The following OXTR variants were observed in gnomAD, a reference collection of about 807,000 sequenced individuals.
OXTR encodes the protein oxytocin receptor.
A neutral mutation model predicts 23.9 loss-of-function variants in OXTR; 19 were observed. The observed-to-expected ratio is 0.80, with a 90% CI of 0.56 to 1.17. The LOEUF is 1.17. Ranked by LOEUF, OXTR falls within the 50% of genes most tolerant of loss-of-function variation. The probability of loss-of-function intolerance (pLI) is 0.00; values close to 1 mark genes in which losing one functional copy is unlikely to be tolerated. For missense variants in OXTR, 500 were observed against 550.7 expected (o/e 0.91, Z 0.92); for synonymous variants, 278 against 250.5 (o/e 1.11, Z -1.04).
At chr3:8,741,677 C>T in the OXTR span, among the ~76,000 whole-genome samples, 1 of 152,136 alleles carries the variant, frequency 6.6e-6, no homozygotes, top group African/African-American at 2.4e-5. Context: ...TATTTCCCCA[C>T]CCACAGATAT....
chr3:8,745,924 C>T (rs1435452401), downstream of OXTR: 17 of 1,428,246 alleles, frequency 1.2e-5, no homozygotes, highest in South Asian at 8.5e-5. This position sits in a 1 kb window ranked among gnomAD's most constrained non-coding sequence, Gnocchi z 4.8. Context: ...GACTGGTCCC[C>T]GGGGGACTTC....
chr3:8,745,098 C>A, the OXTR span: 18 of 178,802 alleles, frequency 1.0e-4, no homozygotes, highest in East Asian at 2.6e-3. This position sits in a 1 kb window ranked among gnomAD's most constrained non-coding sequence, Gnocchi z 4.8. Flanking sequence ...GCAGATCCCT[C>A]GTGGCTTAGT....
chr3:8,762,859 T>G (rs1401004780), intron 3 of OXTR, among the ~76,000 whole-genome samples: 2 of 152,238 alleles, frequency 1.3e-5, no homozygotes, highest in Non-Finnish European at 2.9e-5. Context: ...GCCAGTTCTG[T>G]TTCAGACAGC....
chr3:8,745,644 C>A (rs72546668), downstream of OXTR: 2 of 1,614,106 alleles, frequency 1.2e-6, no homozygotes, highest in Non-Finnish European at 1.7e-6. The surrounding 1 kb of genome is among the most constrained non-coding windows in gnomAD (Gnocchi z 4.8). Flanking sequence ...CTGTTGTCCA[C>A]GCTGCTGGGC....
rs376518439 is a variant in OXTR at position 8,756,622 on chromosome 3, A to G, written c.923-3398T>C. Among the ~76,000 whole-genome samples, 23 of 152,194 alleles carry G rather than the reference A, an allele frequency of 1.5e-4. 1 individual carries two copies. The East Asian group carries it at 4.1e-3, about 27-fold the overall frequency. ...TGACAGTAAGCAGTGCCCATTCCCC[A>G]TTTTTGACGCTGTGGATGCTGTGGT... On this transcript the variant is annotated intron_variant, in intron 3 of 3. Coordinates refer to ENST00000316793, the MANE Select transcript of OXTR (RefSeq NM_000916.4).
rs1300575783 is a variant in OXTR, at chr3:8,750,837, G to T, written c.*2140C>A. The T allele has an allele frequency of 6.6e-6, 1 of 152,180 alleles. No homozygotes were observed. The highest frequency in any genetic ancestry group is 1.5e-5 in the Non-Finnish European group (1 of 68,040). 9.4% of individuals were successfully genotyped at this position (152,180 alleles called of 1,614,324 possible). A position where few individuals can be genotyped will look rare whatever the true frequency, so the allele number is the denominator to read the frequency against. On this transcript the variant is annotated 3_prime_UTR_variant, in exon 4 of 4. Transcript: ENST00000316793. ...TGGCTATTACAAATAATGTTGCTAT[G>T]AACATTGGTGTACAAGTTTTTGTGT...
chr3:8,760,671 G>A (rs1047021227), intron 3 of OXTR, among the ~76,000 whole-genome samples: 1 of 152,250 alleles, frequency 6.6e-6, no homozygotes, highest in East Asian at 1.9e-4. Context: ...ATCCCCTGGA[G>A]TTGTGCCACA....
In OXTR at chr3:8,768,165, TTGGCTGCGAGCGCGCCCTCCATGACCC is replaced by T. The variant is rs1708681461; in HGVS notation, c.-5_22del. The T allele has an allele frequency of 7.5e-7, 1 of 1,327,114 alleles. No individual in the cohort carries two copies. The highest frequency in any genetic ancestry group is 3.1e-5 in the East Asian group (1 of 31,890). The allele number at this position is 1,327,114 out of a possible 1,614,324, so 82.2% of individuals were successfully genotyped here. ...GGCGTTGGCTGCCTCGGCGCTCCAGTTGGCTGCGAGCGCGCCCTCCATGACCCTGGCGGCAGCGGTGCGCCCCGGCCT... is the reference window on the plus strand; with the variant it reads ...GGCGTTGGCTGCCTCGGCGCTCCAGTTGGCGGCAGCGGTGCGCCCCGGCCT... On this transcript the variant is annotated start_lost and 5_prime_UTR_variant, in exon 3 of 4. Transcript: ENST00000316793. The surrounding 1 kb of genome is among the most constrained non-coding windows in gnomAD (Gnocchi z 5.4).
At chr3:8,757,848 C>T (rs532863707) in intron 3 of OXTR, among the ~76,000 whole-genome samples, 1 of 152,298 alleles carries the variant, frequency 6.6e-6, no homozygotes, top group East Asian at 1.9e-4. Flanking sequence ...ATTCTGCCTC[C>T]CCTCCATGCC....
chr3:8,761,122 G>T (rs62243369), intron 3 of OXTR, among the ~76,000 whole-genome samples: 6 of 152,150 alleles, frequency 3.9e-5, no homozygotes, highest in Admixed American at 3.3e-4. Flanking sequence ...GCCAAAGACT[G>T]TTCAGCCTAA....
chr3:8,745,583 T>G (rs199476330), downstream of OXTR: 1 of 1,614,114 alleles, frequency 6.2e-7, no homozygotes, highest in Admixed American at 1.7e-5. The surrounding 1 kb of genome is among the most constrained non-coding windows in gnomAD (Gnocchi z 4.8). Flanking sequence ...TGACGGCGTG[T>G]GGAAGGTGAG....
At position 8,752,912 on chromosome 3, in the gene OXTR, G is replaced by T; in HGVS notation, c.*65C>A. The T allele has an allele frequency of 6.6e-7, 1 of 1,516,790 alleles. No individual in the cohort carries two copies. Among genetic ancestry groups the T allele is most frequent in the East Asian group, 2.3e-5 (1 of 43,540 alleles). 94.0% of individuals were successfully genotyped at this position (1,516,790 alleles called of 1,614,324 possible). A position where few individuals can be genotyped will look rare whatever the true frequency, so the allele number is the denominator to read the frequency against. ...ATACACAAACATACGCCATCACCTA[G>T]GAGCAGAGCACTTATGCCAGCACAG... On this transcript the variant is annotated 3_prime_UTR_variant, in exon 4 of 4. Coordinates refer to ENST00000316793, the MANE Select transcript of OXTR (RefSeq NM_000916.4).
rs1178404421 is a variant in OXTR, at chr3:8,752,954, C to T, written c.*23G>A. The T allele has an allele frequency of 6.3e-7, 1 of 1,599,606 alleles. No individual in the cohort carries two copies. The highest frequency in any genetic ancestry group is 1.3e-5 in the African/African-American group (1 of 74,664). On this transcript the variant is annotated 3_prime_UTR_variant, in exon 4 of 4. Transcript: ENST00000316793. Reference sequence around the variant, plus strand: ...CCAGCACAGCCTGAGCCTCAGGCTGCAGCCCTGGCCCTGGCTGGTGGGTCA... The same window carrying T: ...CCAGCACAGCCTGAGCCTCAGGCTGTAGCCCTGGCCCTGGCTGGTGGGTCA...
the OXTR span, chr3:8,742,360 CAAAAA>C: frequency 4.1e-6 from 1 of 241,024 alleles, no homozygotes; most frequent in South Asian, 3.7e-5. Flanking sequence ...CTGCAAACAC[CAAAAA>C]AAAAAAAAAG....
chr3:8,763,980 C>T (rs893599749), intron 3 of OXTR, among the ~76,000 whole-genome samples: 1 of 152,046 alleles, frequency 6.6e-6, no homozygotes, highest in African/African-American at 2.4e-5. Flanking sequence ...TGTTGAGGCA[C>T]CTAAATTTTT....
intron 3 of OXTR, among the ~76,000 whole-genome samples, chr3:8,766,990 G>GA (rs1424378542): frequency 6.6e-6 from 1 of 152,162 alleles, no homozygotes; most frequent in Admixed American, 6.5e-5. Context: ...CTGTGCTAAG[G>GA]ACTTTAACTG....
At chr3:8,749,012 T>C (rs151061738), downstream of OXTR, among the ~76,000 whole-genome samples, 3 of 152,104 alleles carry the variant, frequency 2.0e-5, no homozygotes, top group African/African-American at 7.2e-5. Flanking sequence ...CGGCCATGCA[T>C]ATGGTTGTAA....
the OXTR span, chr3:8,742,662 T>C: frequency 2.6e-6 from 1 of 388,656 alleles, no homozygotes; most frequent in East Asian, 7.4e-5. Context: ...GGCATTGTGC[T>C]AAGCACTGCT....
intron 3 of OXTR, among the ~76,000 whole-genome samples, chr3:8,759,781 T>C (rs1239799873): frequency 1.3e-5 from 2 of 152,176 alleles, no homozygotes; most frequent in African/African-American, 4.8e-5. Context: ...CAGGAAGCCT[T>C]AGCTCCCGGC....
Sources: allele counts gnomAD v4.1 joint callset (sites outside exome capture counted in the v4.1 genomes callset), GRCh38; gene constraint gnomAD v4.1.1; non-coding constraint Gnocchi (gnomAD v3.1); transcripts MANE v1.5; gene names NCBI Gene and HGNC (gene_info 2026-07-23, HGNC 2026-07-21).